The following ITGB8 variants were observed in gnomAD, a reference collection of about 807,000 sequenced individuals.
The protein encoded by ITGB8 is integrin beta-8.
A neutral mutation model predicts 89.5 loss-of-function variants in ITGB8; 30 were observed. That is an observed-to-expected ratio of 0.34 (90% CI 0.25 to 0.45). ITGB8 has a LOEUF of 0.45. Ranked by LOEUF, ITGB8 falls within the 20% of genes least tolerant of loss-of-function variation. The probability of loss-of-function intolerance (pLI) is 1.00; values close to 1 mark genes in which losing one functional copy is unlikely to be tolerated. For synonymous variants in ITGB8, 335 were observed against 320.4 expected (o/e 1.05, Z -0.49); for missense variants, 836 against 933.3 (o/e 0.90, Z 1.36).
rs778326541 is a variant in ITGB8, at chr7:20,367,193, T to C, written c.388+7T>C. On this transcript the variant is annotated splice_region_variant and intron_variant, in intron 3 of 13. Transcript: ENST00000222573. ...TCTATCCAGCTGCGTCCAGGTTTGG[T>C]CATTTTCAAATAAATCTATAATGAT... 2.5e-6 allele frequency: 4 copies of C among 1,586,024 alleles called. No individual in the cohort carries two copies. In the Admixed American group the frequency reaches 5.4e-5, roughly 21 times the overall value.
chr7:20,389,035 T>C (rs917424549), intron 6 of ITGB8, among the ~76,000 whole-genome samples: 1 of 152,250 alleles, frequency 6.6e-6, no homozygotes, highest in Non-Finnish European at 1.5e-5. Context: ...ATCCAGTCTA[T>C]CATTGATGGG....
intron 1 of ITGB8, among the ~76,000 whole-genome samples, chr7:20,353,924 T>A (rs1785199035): frequency 1.2e-5 from 1 of 81,054 alleles, no homozygotes; most frequent in Non-Finnish European, 2.1e-5. Flanking sequence ...AGAGCGAGAC[T>A]CCGTCTCAAA....
intron 1 of ITGB8, chr7:20,352,171 C>T (rs1390999818): frequency 6.6e-6 from 1 of 152,138 alleles, no homozygotes; most frequent in African/African-American, 2.4e-5. Flanking sequence ...CACTGAGGGG[C>T]CTTGGGGGCC....
At chr7:20,336,655 C>T (rs777450138) in intron 1 of ITGB8, among the ~76,000 whole-genome samples, 2 of 152,164 alleles carry the variant, frequency 1.3e-5, no homozygotes, top group Admixed American at 6.5e-5. Context: ...TCATTTCAAA[C>T]CTTTGTCCAC....
At chr7:20,364,982 G>A (rs898475978) in intron 2 of ITGB8, 1 of 152,194 alleles carries the variant, frequency 6.6e-6, no homozygotes, top group Non-Finnish European at 1.5e-5. Context: ...GCTTTAGTGA[G>A]GGTAGTTTGG....
intron 3 of ITGB8, among the ~76,000 whole-genome samples, chr7:20,369,936 T>C (rs75507122): frequency 0.028 from 4,251 of 152,162 alleles, 103 homozygotes; most frequent in Non-Finnish European, 0.044. Context: ...CAGGTTGTTA[T>C]TGATGATGTT....
intron 1 of ITGB8, chr7:20,352,921 A>G (rs1469330794): frequency 1.3e-5 from 2 of 152,234 alleles, no homozygotes; most frequent in African/African-American, 4.8e-5. Flanking sequence ...AGCTTTTTCA[A>G]TGCAAAGTTG....
rs1787248462 is a variant in ITGB8 at position 20,400,142 on chromosome 7, C to G, written c.1281+1148C>G. On this transcript the variant is annotated intron_variant, in intron 9 of 13. Coordinates refer to ENST00000222573, the MANE Select transcript of ITGB8 (RefSeq NM_002214.3). ...AAGTTACTTTATGAAAAAACGCTTA[C>G]TGTCTTAGAAATAGTTATTTCCTTC... Among the ~76,000 whole-genome samples, 3 of 152,286 alleles carry G rather than the reference C, an allele frequency of 2.0e-5. No homozygotes were observed. In the South Asian group the frequency reaches 6.2e-4, roughly 32 times the overall value.
chr7:20,355,444 C>T (rs3757724), intron 1 of ITGB8, among the ~76,000 whole-genome samples: 11,355 of 152,182 alleles, frequency 0.075, 562 homozygotes, highest in South Asian at 0.19. Context: ...CCCCAGCTTC[C>T]TCCTGAGCTA....
intron 6 of ITGB8, among the ~76,000 whole-genome samples, chr7:20,385,933 A>G (rs564649126): frequency 2.6e-5 from 4 of 152,228 alleles, no homozygotes; most frequent in Non-Finnish European, 5.9e-5. Flanking sequence ...GTGAGGAGAT[A>G]ATTGTGATCT....
chr7:20,388,937 C>A lies in ITGB8; in HGVS notation c.961-2466C>A, dbSNP rs145126370. ...GTTTGCTGAGAATGATGGTTTCCAG[C>A]TTTATCCATGTCCCTGCAAAGGACA... On this transcript the variant is annotated intron_variant, in intron 6 of 13. Coordinates refer to ENST00000222573, the MANE Select transcript of ITGB8 (RefSeq NM_002214.3). Among the ~76,000 whole-genome samples the A allele has an allele frequency of 3.6e-3, 554 of 152,228 alleles. 3 individuals carry two copies. The highest frequency in any genetic ancestry group is 0.013 in the African/African-American group (521 of 41,508).
intron 12 of ITGB8, among the ~76,000 whole-genome samples, 178 bp downstream of exon 12, chr7:20,406,349 C>G (rs112471634): frequency 0.041 from 6,276 of 152,128 alleles, 200 homozygotes; most frequent in African/African-American, 0.083. Context: ...TCAGGAGTTC[C>G]AGATCAGCCT....
chr7:20,363,639 G>C lies in ITGB8; in HGVS notation c.130G>C (p.Asp44His). 2.5e-6 allele frequency: 4 copies of C among 1,571,676 alleles called. No homozygotes were observed. Among genetic ancestry groups the C allele is most frequent in the South Asian group, 1.2e-5 (1 of 83,570 alleles). ...SLVLGLGQGE[D>H]NRCASSNAAS... ...AACTGTTTTCTCCTTCATTGCAGAA[G>C]ACAATAGATGTGCATCTTCAAATGC... The change falls in exon 2 of 14, where the codon GAC (aspartate) becomes CAC (histidine). Residue 44 changes from aspartate to histidine, a missense_variant and splice_region_variant. Asp to His is a moderately conservative substitution (Grantham distance 81). Around this residue, in one of 5 missense-constraint regions of ITGB8, gnomAD observed 182 missense variants for 177.0 expected, o/e 1.03. Coordinates refer to ENST00000222573, the MANE Select transcript of ITGB8 (RefSeq NM_002214.3).
intron 1 of ITGB8, among the ~76,000 whole-genome samples, chr7:20,354,187 T>C (rs1785211790): frequency 6.6e-6 from 1 of 152,182 alleles, no homozygotes; most frequent in African/African-American, 2.4e-5. Flanking sequence ...TTCTAGTATA[T>C]TGAGTGTATG....
rs1336988856 is a variant in ITGB8, at chr7:20,395,118, G to A, written c.1146+133G>A. On this transcript the variant is annotated intron_variant, in intron 8 of 13. Coordinates refer to ENST00000222573, the MANE Select transcript of ITGB8 (RefSeq NM_002214.3). Reference sequence around the variant, plus strand: ...TTAGATTAGGAATTAGGAATCTGAAGTTCATCCCTGGCCCTACCACTAACT... The same window carrying A: ...TTAGATTAGGAATTAGGAATCTGAAATTCATCCCTGGCCCTACCACTAACT... 3 of 588,638 alleles carry A rather than the reference G, an allele frequency of 5.1e-6. No individual in the cohort carries two copies. The African/African-American group carries it at 5.5e-5, about 11-fold the overall frequency. The allele number at this position is 588,638 out of a possible 1,614,324, so 36.5% of individuals were successfully genotyped here.
rs1177237841 is a variant in ITGB8, at chr7:20,381,844, T to C, written c.919T>C (p.Cys307Arg). 1 of 1,613,772 alleles carries C rather than the reference T, an allele frequency of 6.2e-7. No individual in the cohort carries two copies. The highest frequency in any genetic ancestry group is 2.2e-5 in the East Asian group (1 of 44,868). ...CATAGTGGTGCCCAATGACGGAAACTGTCATCTGAAAAACAACGTCTATGT... is the reference window on the plus strand; with the variant it reads ...CATAGTGGTGCCCAATGACGGAAACCGTCATCTGAAAAACAACGTCTATGT... ...AGIVVPNDGN[C>R]HLKNNVYVKS... The change falls in exon 6 of 14, where the codon TGT becomes CGT. Residue 307 changes from cysteine (C) to arginine (R), a missense_variant. Cys to Arg is a radical substitution (Grantham distance 180). Transcript: ENST00000222573.
chr7:20,337,787 C>T (rs1784624423), intron 1 of ITGB8, among the ~76,000 whole-genome samples: 2 of 152,224 alleles, frequency 1.3e-5, no homozygotes, highest in Admixed American at 1.3e-4. Flanking sequence ...CCATTGACCT[C>T]AACCATGGGC....
intron 11 of ITGB8, among the ~76,000 whole-genome samples, chr7:20,405,434 C>A (rs1168811684): frequency 6.6e-6 from 1 of 150,486 alleles, no homozygotes; most frequent in African/African-American, 2.4e-5. Context: ...CCTCAGCCTC[C>A]CGAGTAGCTG....
Position 20,406,260 on chromosome 7 carries a change from A to C in ITGB8, c.2023+89A>C. 3 of 875,358 alleles carry C rather than the reference A, an allele frequency of 3.4e-6. No individual in the cohort carries two copies. In the South Asian group the frequency reaches 4.2e-5, roughly 12 times the overall value. The allele number at this position is 875,358 out of a possible 1,614,324, so 54.2% of individuals were successfully genotyped here. On this transcript the variant is annotated intron_variant, in intron 12 of 13. Coordinates refer to ENST00000222573, the MANE Select transcript of ITGB8 (RefSeq NM_002214.3). ...AGACCCATAATTAACCATGCTAAAG[A>C]AAGGACTGGGCCGGGTGTGGTGGCT... is the stretch of plus-strand genomic sequence containing the variant.
Sources: gnomAD v4.1 joint callset for allele counts (sites outside exome capture counted in the v4.1 genomes callset) on GRCh38, gnomAD v4.1.1 for gene constraint, gnomAD v4.1.1 regional missense constraint, MANE v1.5 for transcripts, NCBI Gene and HGNC (gene_info 2026-07-23, HGNC 2026-07-21) for gene names.